Variants in CSMD1 observed in about 807,000 individuals in gnomAD.
CSMD1 encodes the protein CUB and sushi domain-containing protein 1.
Under a neutral mutation model 417.5 loss-of-function variants are expected in CSMD1, and 213 were observed. That is an observed-to-expected ratio of 0.51 (90% CI 0.46 to 0.57). The LOEUF (loss-of-function observed/expected upper bound fraction) is 0.57, where lower values mean the gene tolerates loss of function less well. Among genes scored for constraint, CSMD1 ranks in the 20% least tolerant of loss-of-function variants. CSMD1 has a pLI of 0.00. For missense variants in CSMD1, 6,923 were observed against 4,529.7 expected, an observed-to-expected ratio of 1.53 and a Z score of -15.17; for synonymous variants, 2,862 against 1,736.8, an observed-to-expected ratio of 1.65 and a Z score of -16.11.
intron 12 of CSMD1, among the ~76,000 whole-genome samples, chr8:3,434,148 G>A (rs1051490319): frequency 6.6e-5 from 10 of 152,222 alleles, no homozygotes; most frequent in South Asian, 2.1e-4. Context: ...TTCTCTGGCA[G>A]TAAATGTTTA....
intron 3 of CSMD1, among the ~76,000 whole-genome samples, chr8:4,144,826 A>T (rs768129518): frequency 7.9e-5 from 12 of 151,024 alleles, no homozygotes; most frequent in Non-Finnish European, 1.3e-4. Context: ...CAACATTCGC[A>T]ATCATTCACA....
chr8:4,554,227 C>T (rs978769469), intron 2 of CSMD1, among the ~76,000 whole-genome samples: 5 of 152,116 alleles, frequency 3.3e-5, no homozygotes, highest in African/African-American at 1.2e-4. Context: ...ACCTATGCTT[C>T]CCGGGTTCAA....
At chr8:3,728,180 G>A (rs1331394799) in intron 6 of CSMD1, among the ~76,000 whole-genome samples, 1 of 152,188 alleles carries the variant, frequency 6.6e-6, no homozygotes, top group Non-Finnish European at 1.5e-5. Flanking sequence ...CCCCCATACT[G>A]TTCTCATGGT....
At chr8:4,424,784 C>T (rs998927590) in intron 2 of CSMD1, among the ~76,000 whole-genome samples, 1 of 152,028 alleles carries the variant, frequency 6.6e-6, no homozygotes, top group South Asian at 2.1e-4. Flanking sequence ...CATCAATATT[C>T]GGTTGTGTAA....
chr8:3,681,565 C>T (rs1363493251), intron 7 of CSMD1, among the ~76,000 whole-genome samples: 3 of 152,174 alleles, frequency 2.0e-5, no homozygotes, highest in Non-Finnish European at 2.9e-5. Flanking sequence ...GAAGAACATT[C>T]CATGCTTATG....
At chr8:3,276,967 A>G (rs747177648) in intron 26 of CSMD1, among the ~76,000 whole-genome samples, 53 of 152,216 alleles carry the variant, frequency 3.5e-4, no homozygotes, top group Non-Finnish European at 5.1e-4. Context: ...AAGTATAAAC[A>G]TTGTGTTTGG....
intron 2 of CSMD1, among the ~76,000 whole-genome samples, chr8:4,512,742 A>G (rs543172369): frequency 2.4e-4 from 37 of 152,176 alleles, no homozygotes; most frequent in Non-Finnish European, 4.1e-4. Context: ...ATACATACAA[A>G]ATGTATATGA....
chr8:3,728,063 C>G (rs1802596617), intron 6 of CSMD1, among the ~76,000 whole-genome samples: 1 of 152,130 alleles, frequency 6.6e-6, no homozygotes, highest in Non-Finnish European at 1.5e-5. Flanking sequence ...AAGGGTTTGG[C>G]TATGACAGTG....
chr8:4,925,583 G>C (rs1486102135), intron 1 of CSMD1, among the ~76,000 whole-genome samples: 1 of 142,836 alleles, frequency 7.0e-6, no homozygotes, highest in Non-Finnish European at 1.5e-5. Flanking sequence ...GTCTCGCTCT[G>C]TCTCCCAGGC....
intron 3 of CSMD1, among the ~76,000 whole-genome samples, chr8:4,061,551 A>T (rs556761362): frequency 6.6e-4 from 100 of 152,198 alleles, no homozygotes; most frequent in Non-Finnish European, 1.2e-3. Context: ...AGCCTACAGA[A>T]TAATAACCCT....
intron 3 of CSMD1, among the ~76,000 whole-genome samples, chr8:4,283,195 A>T (rs1369732954): frequency 6.6e-6 from 1 of 152,210 alleles, no homozygotes; most frequent in Non-Finnish European, 1.5e-5. Flanking sequence ...TTTAAAAATT[A>T]TATATGAATA....
intron 3 of CSMD1, among the ~76,000 whole-genome samples, chr8:4,079,678 A>G (rs958337097): frequency 6.6e-6 from 1 of 152,238 alleles, no homozygotes; most frequent in Non-Finnish European, 1.5e-5. Context: ...GTTCACATTA[A>G]TTTATTCCTG....
intron 4 of CSMD1, among the ~76,000 whole-genome samples, chr8:4,024,562 T>G (rs540306700): frequency 1.4e-4 from 21 of 152,328 alleles, no homozygotes; most frequent in African/African-American, 5.1e-4. Context: ...GACTTTAGTT[T>G]TTCACCCTTA....
At chr8:4,976,747 G>T (rs564440117) in intron 1 of CSMD1, among the ~76,000 whole-genome samples, 1 of 152,186 alleles carries the variant, frequency 6.6e-6, no homozygotes, top group African/African-American at 2.4e-5. Flanking sequence ...CTGGAAATGA[G>T]CTTCACTTTC....
chr8:4,422,180 C>T (rs375768910), intron 2 of CSMD1, among the ~76,000 whole-genome samples: 14 of 152,228 alleles, frequency 9.2e-5, no homozygotes, highest in African/African-American at 3.4e-4. Context: ...GAGAATTCTA[C>T]ATTTAAATAA....
intron 4 of CSMD1, among the ~76,000 whole-genome samples, chr8:4,028,767 T>C (rs951914774): frequency 6.6e-6 from 1 of 152,208 alleles, no homozygotes; most frequent in East Asian, 1.9e-4. Context: ...GAGAGTTAAA[T>C]GGTATAATCC....
chr8:4,955,603 G>C (rs1809047050), intron 1 of CSMD1, among the ~76,000 whole-genome samples: 1 of 151,950 alleles, frequency 6.6e-6, no homozygotes, highest in Admixed American at 6.6e-5. Flanking sequence ...TTACAAGCAT[G>C]TACCACTACA....
intron 3 of CSMD1, among the ~76,000 whole-genome samples, chr8:4,049,208 A>C (rs985478533): frequency 6.6e-6 from 1 of 151,946 alleles, no homozygotes; most frequent in Non-Finnish European, 1.5e-5. Flanking sequence ...TTCTCTATCT[A>C]TTCTGATACC....
In CSMD1 at chr8:4,031,979, C is replaced by G. The variant is rs1419430946; in HGVS notation, c.536G>C (p.Gly179Ala). ...YSCLPGYILE[G>A]HAILTCIVSP... is the part of the protein sequence containing the mutation. ...GACGATGCAGGTCAGGATGGCGTGG[C>G]CTTCCAAGATGTAGCCAGGGAGGCA... The change falls in exon 4 of 70, where the codon GGC becomes GCC. Residue 179 changes from glycine (G) to alanine (A), a missense_variant. By Grantham distance (60) the Gly-to-Ala change is moderately conservative (BLOSUM62 0). Transcript: ENST00000635120. The G allele has an allele frequency of 3.1e-6, 5 of 1,613,966 alleles. No individual in the cohort carries two copies. Among genetic ancestry groups the G allele is most frequent in the African/African-American group, 1.3e-5 (1 of 75,034 alleles).
Sources: allele counts gnomAD v4.1 joint callset (sites outside exome capture counted in the v4.1 genomes callset), GRCh38; gene constraint gnomAD v4.1.1; transcripts MANE v1.5; gene names NCBI Gene and HGNC (gene_info 2026-07-23, HGNC 2026-07-21).